RGP1: variants seen among roughly 807,000 people sequenced by gnomAD.
RGP1 encodes RAB6A-GEF complex partner protein 2.
Under a neutral mutation model 44.5 loss-of-function variants are expected in RGP1, and 28 were observed. That is an observed-to-expected ratio of 0.63 (90% CI 0.47 to 0.86). The LOEUF (loss-of-function observed/expected upper bound fraction) is 0.86. Among genes scored for constraint, RGP1 ranks in the 40% least tolerant of loss-of-function variants. The pLI is 0.00. For missense variants in RGP1, 417 were observed against 490.7 expected (o/e 0.85, Z 1.42); for synonymous variants, 212 against 196.7 (o/e 1.08, Z -0.65).
the RGP1 span, chr9:35,780,737 C>CA: frequency 6.6e-6 from 1 of 151,782 alleles, no homozygotes; most frequent in Non-Finnish European, 1.5e-5. Flanking sequence ...AACAAACAAA[C>CA]AAAAAACAAC....
rs939265234 is a variant in RGP1, at chr9:35,753,787, T to C, written c.*913T>C. ...CAGGGGGCTAGGGAAGAACGGGAAATGTTAGTAGGTGTAGGAGTGCTGATG... is the reference window on the plus strand; with the variant it reads ...CAGGGGGCTAGGGAAGAACGGGAAACGTTAGTAGGTGTAGGAGTGCTGATG... On this transcript the variant is annotated 3_prime_UTR_variant, in exon 9 of 9. Coordinates refer to ENST00000378078, the MANE Select transcript of RGP1 (RefSeq NM_001080496.3). This position sits in a 1 kb window ranked among gnomAD's most constrained non-coding sequence, Gnocchi z 4.2. 1 of 1,606,278 alleles carries C rather than the reference T, an allele frequency of 6.2e-7. No individual in the cohort carries two copies. The highest frequency in any genetic ancestry group is 8.5e-7 in the Non-Finnish European group (1 of 1,173,178).
the RGP1 span, among the ~76,000 whole-genome samples, chr9:35,773,816 A>T: frequency 6.6e-6 from 1 of 151,440 alleles, no homozygotes. Flanking sequence ...GTTTCTTTTT[A>T]AAAATTATTT....
the RGP1 span, among the ~76,000 whole-genome samples, chr9:35,778,162 C>T: frequency 3.9e-5 from 6 of 151,998 alleles, no homozygotes; most frequent in African/African-American, 1.2e-4. Context: ...ATTGGCCGGG[C>T]GTGGTGGCGC....
At chr9:35,772,583 G>C in the RGP1 span, among the ~76,000 whole-genome samples, 34 of 151,856 alleles carry the variant, frequency 2.2e-4, no homozygotes, top group African/African-American at 8.0e-4. Flanking sequence ...CATGAGGTCA[G>C]GGGATCGAGA....
Position 35,757,858 on chromosome 9 carries a change from C to T in RGP1, c.*4984C>T, listed in dbSNP as rs1206093891. ...GCACTGATCTGCACATTTTTATAGT[C>T]ATTTAAAATTGTATGACTCTGTCAA... On this transcript the variant is annotated 3_prime_UTR_variant, in exon 9 of 9. Transcript: ENST00000378078. The T allele has an allele frequency of 6.6e-6, 1 of 152,094 alleles. No homozygotes were observed. Among genetic ancestry groups the T allele is most frequent in the Non-Finnish European group, 1.5e-5 (1 of 67,998 alleles). The allele number at this position is 152,094 out of a possible 1,614,324, so 9.4% of individuals were successfully genotyped here. A position where few individuals can be genotyped will look rare whatever the true frequency, so the allele number is the denominator to read the frequency against.
chr9:35,788,339 C>T, the RGP1 span, among the ~76,000 whole-genome samples: 2 of 152,106 alleles, frequency 1.3e-5, no homozygotes, highest in South Asian at 2.1e-4. Flanking sequence ...GAATCTGAGG[C>T]GAGTGGATCA....
At chr9:35,786,083 C>T in the RGP1 span, among the ~76,000 whole-genome samples, 1 of 152,166 alleles carries the variant, frequency 6.6e-6, no homozygotes, top group African/African-American at 2.4e-5. Context: ...CCTCTTCTTC[C>T]CAGTCTTTGG....
downstream of RGP1, among the ~76,000 whole-genome samples, chr9:35,762,127 C>T (rs183169461): frequency 1.7e-3 from 266 of 152,084 alleles, no homozygotes; most frequent in Admixed American, 4.8e-3. Context: ...AAAAAAAATT[C>T]AACTTGATCC....
chr9:35,784,964 G>T, the RGP1 span, among the ~76,000 whole-genome samples: 1 of 152,072 alleles, frequency 6.6e-6, no homozygotes, highest in Admixed American at 6.6e-5. Context: ...TGGATATGGT[G>T]GGGAAAGACA....
chr9:35,767,283 G>T, the RGP1 span, among the ~76,000 whole-genome samples: 86 of 108,396 alleles, frequency 7.9e-4, no homozygotes, highest in East Asian at 2.5e-3. Flanking sequence ...AAGCAAATTG[G>T]TTTTTTTTTT....
downstream of RGP1, among the ~76,000 whole-genome samples, chr9:35,758,786 A>G (rs926133741): frequency 6.6e-6 from 1 of 150,652 alleles, no homozygotes; most frequent in Non-Finnish European, 1.5e-5. Context: ...CTTTGCCAAC[A>G]TACACCACTA....
chr9:35,755,065 G>A lies in RGP1; in HGVS notation c.*2191G>A, dbSNP rs1279770254. On this transcript the variant is annotated 3_prime_UTR_variant, in exon 9 of 9. Coordinates refer to ENST00000378078, the MANE Select transcript of RGP1 (RefSeq NM_001080496.3). ...TTTGGCATCCTCTGAGTTTCCCACAGGTTCTGGAGGAGCCCAGGATGGATT... is the reference window on the plus strand; with the variant it reads ...TTTGGCATCCTCTGAGTTTCCCACAAGTTCTGGAGGAGCCCAGGATGGATT... 1 of 152,234 alleles carries A rather than the reference G, an allele frequency of 6.6e-6. No individual in the cohort carries two copies. Among genetic ancestry groups the A allele is most frequent in the African/African-American group, 2.4e-5 (1 of 41,440 alleles). 9.4% of individuals were successfully genotyped at this position (152,234 alleles called of 1,614,324 possible).
chr9:35,766,938 A>C, the RGP1 span, among the ~76,000 whole-genome samples: 1 of 152,164 alleles, frequency 6.6e-6, no homozygotes, highest in Admixed American at 6.5e-5. Flanking sequence ...GAGTGGGTGA[A>C]ATTGTGTTTT....
chr9:35,753,146 G>C lies in RGP1; in HGVS notation c.*272G>C. The C allele has an allele frequency of 6.2e-7, 1 of 1,614,216 alleles. No homozygotes were observed. The highest frequency in any genetic ancestry group is 8.5e-7 in the Non-Finnish European group (1 of 1,180,030). On this transcript the variant is annotated 3_prime_UTR_variant, in exon 9 of 9. Transcript: ENST00000378078. This position sits in a 1 kb window ranked among gnomAD's most constrained non-coding sequence, Gnocchi z 4.2. ...AGCCCCAGGAACAGGGGTGTTGGCT[G>C]AGCCCCATTCTGGGTCAGGCCCTCC...
At chr9:35,783,678 TTATC>T in the RGP1 span, among the ~76,000 whole-genome samples, 56 of 152,326 alleles carry the variant, frequency 3.7e-4, no homozygotes, top group African/African-American at 1.3e-3. Context: ...CACATTATCT[TTATC>T]ATTCATCTGT....
At chr9:35,759,741 AT>A (rs949272697), downstream of RGP1, among the ~76,000 whole-genome samples, 11 of 151,550 alleles carry the variant, frequency 7.3e-5, no homozygotes, top group Middle Eastern at 3.4e-3. Flanking sequence ...AATACTTAAA[AT>A]TTTTTTCCTT....
At chr9:35,780,504 C>T in the RGP1 span, 3 of 152,150 alleles carry the variant, frequency 2.0e-5, no homozygotes, top group South Asian at 2.1e-4. Flanking sequence ...TAAATTTATC[C>T]GTCACGAAAT....
At chr9:35,773,302 G>A in the RGP1 span, among the ~76,000 whole-genome samples, 1 of 152,062 alleles carries the variant, frequency 6.6e-6, no homozygotes, top group South Asian at 2.1e-4. Flanking sequence ...GAGGCAGGAG[G>A]ATTGCTTGAG....
At chr9:35,787,414 G>A in the RGP1 span, among the ~76,000 whole-genome samples, 2 of 152,176 alleles carry the variant, frequency 1.3e-5, no homozygotes, top group African/African-American at 4.8e-5. Flanking sequence ...ATTTTTAGTA[G>A]AGATGGGGTT....
Sources: gnomAD v4.1 joint callset for allele counts (sites outside exome capture counted in the v4.1 genomes callset) on GRCh38, gnomAD v4.1.1 for gene constraint, Gnocchi (gnomAD v3.1) non-coding constraint, MANE v1.5 for transcripts, NCBI Gene and HGNC (gene_info 2026-07-23, HGNC 2026-07-21) for gene names.